Variants in DENND2A observed in about 807,000 individuals in gnomAD.
DENND2A encodes the protein DENN domain-containing protein 2A.
A neutral mutation model predicts 105.3 loss-of-function variants in DENND2A; 53 were observed. The observed-to-expected ratio is 0.50, with a 90% CI of 0.40 to 0.63. The LOEUF (loss-of-function observed/expected upper bound fraction) is 0.63, where lower values mean the gene tolerates loss of function less well. Ranked by LOEUF, DENND2A falls within the 30% of genes least tolerant of loss-of-function variation. The pLI is 0.00. For synonymous variants in DENND2A, 522 were observed against 508.4 expected (o/e 1.03, Z -0.36); for missense variants, 1,138 against 1,279.6 (o/e 0.89, Z 1.69).
In DENND2A at chr7:140,522,006, C is replaced by G; in HGVS notation, c.2760G>C (p.Ser920=). ...IVGHYSLFLT[S]GEREERTLQR... Reference sequence around the variant, plus strand: ...GCAGGGTTCTCTCCTCACGCTCGCCCGACGTCAGGAACAAAGAGTAGTGTC... The same window carrying G: ...GCAGGGTTCTCTCCTCACGCTCGCCGGACGTCAGGAACAAAGAGTAGTGTC... The change falls in exon 18 of 20, where the codon TCG becomes TCC. Residue 920 remains serine (S), a synonymous_variant. Coordinates refer to ENST00000496613, the MANE Select transcript of DENND2A (RefSeq NM_015689.5). 1 of 1,614,176 alleles carries G rather than the reference C, an allele frequency of 6.2e-7. No homozygotes were observed. The highest frequency in any genetic ancestry group is 8.5e-7 in the Non-Finnish European group (1 of 1,180,036).
rs141681234 is a variant in DENND2A at position 140,570,916 on chromosome 7, C to T, written c.1447-1178G>A. 1.5e-3 allele frequency among the ~76,000 whole-genome samples: 226 copies of T among 152,272 alleles called. 5 individuals are homozygous for T. In the East Asian group the frequency reaches 0.039, roughly 26 times the overall value. ...TTCTTGCGTGAGAAGCTGGTGAGTGCGAATTTATGTATTTTGCTTTGCTGG... is the reference window on the plus strand; with the variant it reads ...TTCTTGCGTGAGAAGCTGGTGAGTGTGAATTTATGTATTTTGCTTTGCTGG... On this transcript the variant is annotated intron_variant, in intron 6 of 19. Coordinates refer to ENST00000496613, the MANE Select transcript of DENND2A (RefSeq NM_015689.5).
Position 140,601,544 on chromosome 7 carries a change from G to T in DENND2A, c.854C>A (p.Pro285His). 1 of 1,614,204 alleles carries T rather than the reference G, an allele frequency of 6.2e-7. No homozygotes were observed. Among genetic ancestry groups the T allele is most frequent in the Non-Finnish European group, 8.5e-7 (1 of 1,180,036 alleles). ...TTTCTCTTTCCTGAAGCCGATGCCA[G>T]GCTTCCCATCTTTGTCCCCTTCTCC... is the stretch of plus-strand genomic sequence containing the variant. ...HAGEGDKDGK[P>H]GIGFRKEKRN... is the part of the protein sequence containing the mutation. The change falls in exon 3 of 20, where the codon CCT becomes CAT. Residue 285 changes from proline (P) to histidine (H), a missense_variant. By Grantham distance (77) the Pro-to-His change is moderately conservative. This residue lies in a region of DENND2A where 511 missense variants were observed against 499.9 expected (regional missense o/e 1.02). Coordinates refer to ENST00000496613, the MANE Select transcript of DENND2A (RefSeq NM_015689.5).
chr7:140,571,812 C>A (rs1249288248), intron 6 of DENND2A, among the ~76,000 whole-genome samples: 1 of 152,024 alleles, frequency 6.6e-6, no homozygotes, highest in Non-Finnish European at 1.5e-5. Flanking sequence ...ATTCCACTTA[C>A]CTGAGATATT....
chr7:140,591,216 G>C (rs941523151), intron 3 of DENND2A, among the ~76,000 whole-genome samples: 3 of 152,114 alleles, frequency 2.0e-5, no homozygotes, highest in African/African-American at 7.2e-5. Context: ...AGGATCCCTT[G>C]AGCCAGGGAG....
chr7:140,572,573 C>A (rs1015576711), intron 6 of DENND2A, among the ~76,000 whole-genome samples: 1 of 151,224 alleles, frequency 6.6e-6, no homozygotes, highest in African/African-American at 2.4e-5. Context: ...CCAGCCTGGT[C>A]AATATGGTGA....
chr7:140,546,058 G>C (rs1426134288), intron 13 of DENND2A, among the ~76,000 whole-genome samples: 1 of 152,146 alleles, frequency 6.6e-6, no homozygotes, highest in Non-Finnish European at 1.5e-5. Flanking sequence ...GCTAAATGGG[G>C]TCCTTCTTCT....
intron 1 of DENND2A, among the ~76,000 whole-genome samples, chr7:140,623,034 C>A (rs1011246295): frequency 5.3e-5 from 8 of 152,102 alleles, no homozygotes; most frequent in Admixed American, 5.2e-4. Flanking sequence ...CAAGAGCAGC[C>A]CTCAAGAAGT....
rs61156297 is a variant in DENND2A, at chr7:140,519,333, C to T, written c.2998+299G>A. On this transcript the variant is annotated intron_variant, in intron 19 of 19. Coordinates refer to ENST00000496613, the MANE Select transcript of DENND2A (RefSeq NM_015689.5). ...TTGCCAGACGTCCTTGTCTGGTTCC[C>T]GCCATGCTCCCTCAGCTCAGTTCCT... 9.9e-3 allele frequency among the ~76,000 whole-genome samples: 1,514 copies of T among 152,288 alleles called. 32 individuals are homozygous for T. The highest frequency in any genetic ancestry group is 0.034 in the African/African-American group (1,414 of 41,554).
intron 5 of DENND2A, among the ~76,000 whole-genome samples, chr7:140,579,564 T>C (rs1225183738): frequency 1.3e-5 from 2 of 151,864 alleles, no homozygotes; most frequent in East Asian, 3.9e-4. Context: ...GGCTAATTTT[T>C]GTATTTTCAG....
chr7:140,538,652 G>A (rs749379477), intron 14 of DENND2A, among the ~76,000 whole-genome samples: 12 of 151,704 alleles, frequency 7.9e-5, no homozygotes, highest in Non-Finnish European at 1.5e-4. Flanking sequence ...GATTACAGGC[G>A]CCCGCCACCA....
At chr7:140,586,369 AC>A (rs1554474436) in intron 4 of DENND2A, among the ~76,000 whole-genome samples, 144 of 38,530 alleles carry the variant, frequency 3.7e-3, no homozygotes, top group African/African-American at 0.03. Flanking sequence ...AAAAGAAAAC[AC>A]ACACACACAC....
chr7:140,630,721 C>A (rs544630060), intron 1 of DENND2A, among the ~76,000 whole-genome samples: 1 of 152,242 alleles, frequency 6.6e-6, no homozygotes, highest in South Asian at 2.1e-4. Context: ...ATTAGCCAGG[C>A]ATGGTGGCAC....
At chr7:140,581,219 G>A (rs1378830654) in intron 5 of DENND2A, among the ~76,000 whole-genome samples, 1 of 152,044 alleles carries the variant, frequency 6.6e-6, no homozygotes, top group Non-Finnish European at 1.5e-5. Flanking sequence ...AGCCAAGATC[G>A]AGCCACTGCA....
At chr7:140,538,867 A>C (rs1435975081) in intron 14 of DENND2A, among the ~76,000 whole-genome samples, 2 of 151,844 alleles carry the variant, frequency 1.3e-5, no homozygotes, top group Admixed American at 6.6e-5. Context: ...TCTGTTGCCC[A>C]GGTTGGAGTG....
At position 140,523,234 on chromosome 7, in the gene DENND2A, G is replaced by T; in HGVS notation, c.2665+73C>A. ...TTGCCCATATTCCTACTTGGCCCTT[G>T]GCCACTGCCCATTTGTTCCCTGACC... On this transcript the variant is annotated intron_variant, in intron 17 of 19. Transcript: ENST00000496613. This position sits in a 1 kb window ranked among gnomAD's most constrained non-coding sequence, Gnocchi z 4.5. 7.0e-7 allele frequency: 1 copy of T among 1,432,432 alleles called. No homozygotes were observed. Among genetic ancestry groups the T allele is most frequent in the Non-Finnish European group, 9.8e-7 (1 of 1,015,668 alleles). 88.7% of individuals were successfully genotyped at this position (1,432,432 alleles called of 1,614,324 possible). A position where few individuals can be genotyped will look rare whatever the true frequency, so the allele number is the denominator to read the frequency against.
intron 6 of DENND2A, among the ~76,000 whole-genome samples, chr7:140,570,289 C>T (rs1798039099): frequency 1.3e-5 from 2 of 152,222 alleles, no homozygotes; most frequent in Non-Finnish European, 1.5e-5. Context: ...TTGTCTGGAT[C>T]TGCTCACGAG....
At chr7:140,597,539 T>G (rs957990920) in intron 3 of DENND2A, among the ~76,000 whole-genome samples, 15 of 152,312 alleles carry the variant, frequency 9.8e-5, no homozygotes, top group African/African-American at 3.6e-4. Flanking sequence ...ACACAGCTGA[T>G]GAAACCATAT....
In DENND2A at chr7:140,601,456, G is replaced by C. The variant is rs770800056; in HGVS notation, c.942C>G (p.Ser314=). 1 of 1,613,542 alleles carries C rather than the reference G, an allele frequency of 6.2e-7. No homozygotes were observed. The highest frequency in any genetic ancestry group is 1.1e-5 in the South Asian group (1 of 90,914). The part of the protein sequence containing the change: ...PPPLPSSPPP[S]SVNRRLWTGR... Reference sequence around the variant, plus strand: ...CGGTCCACAGTCTTCTGTTCACAGAGGAAGGTGGGGGAGAGGAGGGCAGAG... The same window carrying C: ...CGGTCCACAGTCTTCTGTTCACAGACGAAGGTGGGGGAGAGGAGGGCAGAG... Residue 314 remains serine, a synonymous_variant, in exon 3 of 20, where the codon TCC becomes TCG. Transcript: ENST00000496613.
intron 19 of DENND2A, 111 bp from the exon 20 acceptor site, chr7:140,518,849 C>T: frequency 1.1e-6 from 1 of 881,644 alleles, no homozygotes; most frequent in Non-Finnish European, 1.8e-6. Flanking sequence ...CACGCCACCC[C>T]AGGGAGCCTC....
Sources: gnomAD v4.1 joint callset for allele counts (sites outside exome capture counted in the v4.1 genomes callset) on GRCh38, gnomAD v4.1.1 for gene constraint, gnomAD v4.1.1 regional missense constraint, Gnocchi (gnomAD v3.1) non-coding constraint, MANE v1.5 for transcripts, NCBI Gene and HGNC (gene_info 2026-07-23, HGNC 2026-07-21) for gene names.